Variants in ARIH2 observed in about 807,000 individuals in gnomAD.
ARIH2 encodes ariadne RBR E3 ubiquitin protein ligase 2.
A neutral mutation model predicts 79.8 loss-of-function variants in ARIH2; 12 were observed. That is an observed-to-expected ratio of 0.15 (90% confidence interval 0.10 to 0.24). The LOEUF (loss-of-function observed/expected upper bound fraction) is 0.24. ARIH2 is among the 10% of genes least tolerant of loss of function. The pLI is 1.00. For missense variants in ARIH2, 301 were observed against 618.3 expected (o/e 0.49, Z 5.44); for synonymous variants, 224 against 213.9 (o/e 1.05, Z -0.41).
chr3:48,960,313 G>C (rs2091111647), intron 3 of ARIH2, among the ~76,000 whole-genome samples: 1 of 152,198 alleles, frequency 6.6e-6, no homozygotes, highest in Non-Finnish European at 1.5e-5. Context: ...TAAGGCGGGT[G>C]AAGTGGTATG....
chr3:48,923,523 G>GTT (rs772701634), intron 2 of ARIH2, among the ~76,000 whole-genome samples: 4 of 139,072 alleles, frequency 2.9e-5, no homozygotes, highest in Non-Finnish European at 3.2e-5. Context: ...TATAGTGAGT[G>GTT]TTTTTTTTTT....
chr3:48,943,391 G>C (rs2088630468), intron 3 of ARIH2: 1 of 151,958 alleles, frequency 6.6e-6, no homozygotes, highest in African/African-American at 2.4e-5. Context: ...GACCTCTCCT[G>C]TATCCCTGTG....
chr3:48,967,853 GATA>G (rs1439195272), intron 6 of ARIH2, among the ~76,000 whole-genome samples: 1 of 152,118 alleles, frequency 6.6e-6, no homozygotes, highest in Non-Finnish European at 1.5e-5. Context: ...TACAATTTGG[GATA>G]ATATTTTAGT....
chr3:48,958,717 GAAA>G (rs554194745), intron 3 of ARIH2, among the ~76,000 whole-genome samples: 88 of 149,652 alleles, frequency 5.9e-4, no homozygotes, highest in African/African-American at 1.8e-3. Context: ...TCAAAAAAAA[GAAA>G]AAAAGGTAAG....
At chr3:48,936,570 T>A (rs557145912) in intron 3 of ARIH2, among the ~76,000 whole-genome samples, 1 of 151,790 alleles carries the variant, frequency 6.6e-6, no homozygotes, top group African/African-American at 2.4e-5. Context: ...CTGTCTCTAC[T>A]AAATATACAA....
intron 2 of ARIH2, among the ~76,000 whole-genome samples, chr3:48,923,223 C>A (rs1320254441): frequency 6.6e-6 from 1 of 151,254 alleles, no homozygotes; most frequent in East Asian, 1.9e-4. Context: ...AAAAAAGAAA[C>A]CTTATCTCTA....
chr3:48,968,728 A>G, intron 7 of ARIH2, 73 bp downstream of exon 7: 1 of 1,549,600 alleles, frequency 6.5e-7, no homozygotes, highest in South Asian at 1.1e-5. Context: ...ACAGTTACTT[A>G]CTTTGTAGAC....
intron 3 of ARIH2, among the ~76,000 whole-genome samples, chr3:48,958,933 T>G (rs547904021): frequency 6.6e-6 from 1 of 151,832 alleles, no homozygotes; most frequent in Non-Finnish European, 1.5e-5. Flanking sequence ...GAGTATCACT[T>G]GAGCCCAGGA....
Position 48,983,533 on chromosome 3 carries a change from G to GGC in ARIH2, c.*263_*264insGC, listed in dbSNP as rs1454505511. ...GGATGGTTGTTGGGAGGGAGGGAAA[G>GGC]TGTTTTCTGAATGGCTATTAATAGT... On this transcript the variant is annotated 3_prime_UTR_variant, in exon 16 of 16. Coordinates refer to ENST00000356401, the MANE Select transcript of ARIH2 (RefSeq NM_006321.4). 4 of 476,806 alleles carry GGC rather than the reference G, an allele frequency of 8.4e-6. No individual in the cohort carries two copies. The highest frequency in any genetic ancestry group is 3.7e-5 in the Admixed American group (1 of 27,052). The allele number at this position is 476,806 out of a possible 1,614,324, so 29.5% of individuals were successfully genotyped here. A position where few individuals can be genotyped will look rare whatever the true frequency, so the allele number is the denominator to read the frequency against.
chr3:48,928,343 A>T (rs1366945431), intron 3 of ARIH2, among the ~76,000 whole-genome samples: 1 of 152,182 alleles, frequency 6.6e-6, no homozygotes, highest in East Asian at 1.9e-4. Context: ...GTTAGTATGG[A>T]AATTGTAAAG....
chr3:48,965,047 T>C, intron 5 of ARIH2, 65 bp downstream of exon 5: 1 of 1,487,194 alleles, frequency 6.7e-7, no homozygotes, highest in Non-Finnish European at 9.4e-7. Context: ...TGGCTTGCAG[T>C]GTCCTTAAGA....
chr3:48,968,603 A>G lies in ARIH2; in HGVS notation c.608A>G (p.Asn203Ser), dbSNP rs112266750. The change falls in exon 7 of 16, where the codon AAT becomes AGT. Residue 203 changes from asparagine (N) to serine (S), a missense_variant. This residue lies in a region of ARIH2 where 223 missense variants were observed against 349.4 expected (regional missense o/e 0.64). Transcript: ENST00000356401. ...GACTTTGTGTTTCCATTGCTTCCCA[A>G]TGAAGAATTGAGAGAGAAATACAGG... Reference protein sequence around the residue: ...PEDFVFPLLPNEELREKYRRY... With the variant: ...PEDFVFPLLPSEELREKYRRY... 6.8e-5 allele frequency: 110 copies of G among 1,611,766 alleles called. 3 individuals carry two copies. The highest frequency in any genetic ancestry group is 6.3e-4 in the African/African-American group (47 of 74,970).
At chr3:48,919,106 G>T in intron 1 of ARIH2, 108 bp downstream of exon 1, 1 of 1,282,236 alleles carries the variant, frequency 7.8e-7, no homozygotes, top group East Asian at 3.0e-5. Flanking sequence ...GCCGTCGCCC[G>T]GGAGGCCCGG....
intron 4 of ARIH2, among the ~76,000 whole-genome samples, chr3:48,962,565 C>T (rs2091384512): frequency 6.6e-6 from 1 of 152,186 alleles, no homozygotes; most frequent in South Asian, 2.1e-4. Flanking sequence ...GTAGAGATCT[C>T]CTATGCTCAC....
Position 48,970,373 on chromosome 3 carries a change from T to G in ARIH2, c.661-222T>G, listed in dbSNP as rs544519626. 3.9e-5 allele frequency among the ~76,000 whole-genome samples: 6 copies of G among 152,302 alleles called. No homozygotes were observed. The South Asian group carries it at 1.2e-3, about 32-fold the overall frequency. On this transcript the variant is annotated intron_variant, in intron 7 of 15. Coordinates refer to ENST00000356401, the MANE Select transcript of ARIH2 (RefSeq NM_006321.4). ...TGCCTGGTGCAATTCTATATAAACTTAGATCATTCCAGTGAGTTGCTACCT... is the reference window on the plus strand; with the variant it reads ...TGCCTGGTGCAATTCTATATAAACTGAGATCATTCCAGTGAGTTGCTACCT...
intron 8 of ARIH2, among the ~76,000 whole-genome samples, chr3:48,971,819 T>G (rs2092255186): frequency 1.3e-5 from 2 of 152,210 alleles, no homozygotes; most frequent in South Asian, 4.1e-4. Context: ...GAAGACTCCT[T>G]GTAATTGTTC....
At position 48,934,407 on chromosome 3, in the gene ARIH2, A is replaced by T. The variant is rs1021653745; in HGVS notation, c.255+6594A>T. The T allele has an allele frequency of 5.0e-5, 49 of 981,806 alleles. No individual in the cohort carries two copies. In the African/African-American group the frequency reaches 7.5e-4, roughly 15 times the overall value. The allele number at this position is 981,806 out of a possible 1,614,324, so 60.8% of individuals were successfully genotyped here. A position where few individuals can be genotyped will look rare whatever the true frequency, so the allele number is the denominator to read the frequency against. On this transcript the variant is annotated intron_variant, in intron 3 of 15. Transcript: ENST00000356401. ...CTATTTTTATTTACTTACAGTCATT[A>T]ATTGACCAATAATGGTTTGTTGTTG...
chr3:48,950,542 A>G (rs1334793685), intron 3 of ARIH2, among the ~76,000 whole-genome samples: 2 of 152,186 alleles, frequency 1.3e-5, no homozygotes, highest in African/African-American at 2.4e-5. Flanking sequence ...AGATTTTGCA[A>G]TCAACTATTA....
chr3:48,962,978 C>T (rs1394449379), intron 4 of ARIH2, among the ~76,000 whole-genome samples: 2 of 152,174 alleles, frequency 1.3e-5, no homozygotes, highest in Admixed American at 6.5e-5. Flanking sequence ...AAGCAACTCT[C>T]CTGCCTCAGC....
Sources: gnomAD v4.1 joint callset for allele counts (sites outside exome capture counted in the v4.1 genomes callset) on GRCh38, gnomAD v4.1.1 for gene constraint, gnomAD v4.1.1 regional missense constraint, MANE v1.5 for transcripts, NCBI Gene and HGNC (gene_info 2026-07-23, HGNC 2026-07-21) for gene names.